HESX1: variants seen among roughly 807,000 people sequenced by gnomAD.
The protein encoded by HESX1 is homeobox expressed in ES cells 1.
Under a neutral mutation model 22.5 loss-of-function variants are expected in HESX1, and 11 were observed. The observed-to-expected ratio is 0.49, with a 90% CI of 0.31 to 0.81. The LOEUF is 0.81. Among genes scored for constraint, HESX1 ranks in the 30% least tolerant of loss-of-function variants. The pLI is 0.05. For synonymous variants in HESX1, 74 were observed against 76.5 expected, an observed-to-expected ratio of 0.97 and a Z score of 0.17; for missense variants, 201 against 212.6, an observed-to-expected ratio of 0.95 and a Z score of 0.34.
intron 1 of HESX1, among the ~76,000 whole-genome samples, chr3:57,217,258 T>C (rs923379187): frequency 2.0e-5 from 3 of 152,184 alleles, no homozygotes; most frequent in African/African-American, 7.2e-5. Flanking sequence ...AACACATGCA[T>C]GTGATACATA....
intron 1 of HESX1, among the ~76,000 whole-genome samples, chr3:57,225,919 C>T (rs1432675218): frequency 2.2e-5 from 3 of 134,842 alleles, no homozygotes; most frequent in Admixed American, 8.3e-5. Context: ...CTTGCTCTGT[C>T]GCCCAGGCCG....
intron 1 of HESX1, among the ~76,000 whole-genome samples, chr3:57,207,436 T>A (rs1040097871): frequency 1.3e-5 from 2 of 152,140 alleles, no homozygotes; most frequent in Non-Finnish European, 1.5e-5. Flanking sequence ...CTGTCTGGAT[T>A]GTGGACAAGA....
At chr3:57,217,384 A>T (rs533481808) in intron 1 of HESX1, among the ~76,000 whole-genome samples, 1 of 152,180 alleles carries the variant, frequency 6.6e-6, no homozygotes, top group East Asian at 1.9e-4. Flanking sequence ...CCCTTTCCAT[A>T]TTTGTAATCC....
In HESX1 at chr3:57,197,931, T is replaced by C; in HGVS notation, c.*266A>G. 3.5e-6 allele frequency: 1 copy of C among 285,800 alleles called. No individual in the cohort carries two copies. The allele number at this position is 285,800 out of a possible 1,614,324, so 17.7% of individuals were successfully genotyped here. ...CATGAGTCTATTGATTTTAACAAAC[T>C]AATTTATTAGATTAATTTGGCTTAC... On this transcript the variant is annotated 3_prime_UTR_variant, in exon 4 of 4. Coordinates refer to ENST00000295934, the MANE Select transcript of HESX1 (RefSeq NM_003865.3).
intron 1 of HESX1, among the ~76,000 whole-genome samples, chr3:57,208,956 T>C (rs1364432799): frequency 1.3e-5 from 2 of 151,112 alleles, no homozygotes; most frequent in Non-Finnish European, 2.9e-5. Flanking sequence ...TGAGACTGTA[T>C]CTAAAAAAAA....
intron 1 of HESX1, among the ~76,000 whole-genome samples, chr3:57,211,217 C>CAA (rs1331625270): frequency 9.1e-5 from 8 of 88,200 alleles, no homozygotes; most frequent in African/African-American, 1.3e-4. Flanking sequence ...AACTCCATCT[C>CAA]AAAAAAAAAA....
At chr3:57,200,375 A>G (rs2060478858), upstream of HESX1, among the ~76,000 whole-genome samples, 2 of 152,250 alleles carry the variant, frequency 1.3e-5, no homozygotes, top group Admixed American at 1.3e-4. Context: ...CGAGTAATAA[A>G]TAATCTAATT....
At chr3:57,198,537 G>T in intron 2 of HESX1, 45 bp from the exon 3 acceptor site, 1 of 1,239,720 alleles carries the variant, frequency 8.1e-7, no homozygotes, top group Non-Finnish European at 1.2e-6. Flanking sequence ...CCAAAAATGA[G>T]CTTTAATTTC....
chr3:57,204,185 T>C (rs1384368596), upstream of HESX1, among the ~76,000 whole-genome samples: 3 of 152,154 alleles, frequency 2.0e-5, no homozygotes, highest in African/African-American at 7.2e-5. Flanking sequence ...TCTTTTTATT[T>C]TATTTTATGT....
At chr3:57,221,195 C>T (rs1199797745) in intron 1 of HESX1, among the ~76,000 whole-genome samples, 2 of 151,908 alleles carry the variant, frequency 1.3e-5, no homozygotes, top group Non-Finnish European at 2.9e-5. Flanking sequence ...GCTCTGTCAC[C>T]CATGCTGGAG....
rs781244863 is a variant in HESX1, at chr3:57,198,738, G to GA, written c.357+14dup. The GA allele has an allele frequency of 6.2e-7, 1 of 1,612,080 alleles. No homozygotes were observed. The highest frequency in any genetic ancestry group is 1.7e-5 in the Admixed American group (1 of 60,010). The stretch of plus-strand genomic sequence containing the variant: ...AGCCTTTATATTATCATTATTGGGT[G>GA]AAAAAACTTCCCACCTGGTTTTGAG... On this transcript the variant is annotated intron_variant, in intron 2 of 3. Coordinates refer to ENST00000295934, the MANE Select transcript of HESX1 (RefSeq NM_003865.3).
intron 1 of HESX1, among the ~76,000 whole-genome samples, chr3:57,217,258 T>A (rs923379187): frequency 6.6e-6 from 1 of 152,184 alleles, no homozygotes; most frequent in Non-Finnish European, 1.5e-5. Flanking sequence ...AACACATGCA[T>A]GTGATACATA....
At chr3:57,201,060 AG>A (rs2060482713), upstream of HESX1, among the ~76,000 whole-genome samples, 1 of 152,174 alleles carries the variant, frequency 6.6e-6, no homozygotes, top group African/African-American at 2.4e-5. Flanking sequence ...TTAAGTGCTT[AG>A]CTTTATTCAT....
At chr3:57,201,927 C>CTATCTATA (rs1553632879), upstream of HESX1, among the ~76,000 whole-genome samples, 12 of 128,830 alleles carry the variant, frequency 9.3e-5, no homozygotes, top group African/African-American at 3.7e-4. Context: ...ATCTATCTAT[C>CTATCTATA]TATTTTTTTG....
At chr3:57,222,761 C>T (rs1289450932) in intron 1 of HESX1, among the ~76,000 whole-genome samples, 1 of 152,126 alleles carries the variant, frequency 6.6e-6, no homozygotes, top group Non-Finnish European at 1.5e-5. Context: ...TGTTTTGGTA[C>T]ACTTTTCCTC....
chr3:57,223,545 G>C (rs946572796), intron 1 of HESX1, among the ~76,000 whole-genome samples: 3 of 152,178 alleles, frequency 2.0e-5, no homozygotes, highest in Non-Finnish European at 4.4e-5. Context: ...TTGGTCCTTA[G>C]TGCCCTCCCA....
intron 1 of HESX1, among the ~76,000 whole-genome samples, chr3:57,212,557 C>CAAAAAAAAAAAAA (rs56093005): frequency 0.023 from 1,847 of 79,810 alleles, 215 homozygotes; most frequent in African/African-American, 0.097. Context: ...GACTCTGTCT[C>CAAAAAAAAAAAAA]AAAAAAAAAA....
chr3:57,200,953 G>A (rs750699303), upstream of HESX1, among the ~76,000 whole-genome samples: 6 of 152,154 alleles, frequency 3.9e-5, no homozygotes, highest in Non-Finnish European at 1.5e-5. Flanking sequence ...ACTGCTGATT[G>A]GGAAGATTTT....
intron 1 of HESX1, among the ~76,000 whole-genome samples, chr3:57,218,205 G>C (rs2060594211): frequency 6.6e-6 from 1 of 151,986 alleles, no homozygotes; most frequent in South Asian, 2.1e-4. Flanking sequence ...CATCTCCCAG[G>C]TACTAAGCCT....
Sources: gnomAD v4.1 joint callset for allele counts (sites outside exome capture counted in the v4.1 genomes callset) on GRCh38, gnomAD v4.1.1 for gene constraint, MANE v1.5 for transcripts, NCBI Gene and HGNC (gene_info 2026-07-23, HGNC 2026-07-21) for gene names.